RHOJ: variants seen among roughly 807,000 people sequenced by gnomAD.
RHOJ encodes the protein ras homolog family member J, also known as rho-related GTP-binding protein RhoJ.
RHOJ carries 11 observed loss-of-function variants against 23.4 expected under a neutral mutation model. The ratio of observed to expected loss-of-function variants is 0.47; its 90% CI spans 0.30 to 0.78. The LOEUF is 0.78. Ranked by LOEUF, RHOJ falls within the 30% of genes least tolerant of loss-of-function variation. The pLI is 0.08. For missense variants in RHOJ, 254 were observed against 273.4 expected, an observed-to-expected ratio of 0.93 and a Z score of 0.50; for synonymous variants, 102 against 102.7, an observed-to-expected ratio of 0.99 and a Z score of 0.04.
At chr14:63,222,932 T>C (rs1894525244) in intron 1 of RHOJ, among the ~76,000 whole-genome samples, 1 of 152,206 alleles carries the variant, frequency 6.6e-6, no homozygotes, top group Non-Finnish European at 1.5e-5. Flanking sequence ...AAGCATTTTA[T>C]TTATTGCCCT....
chr14:63,277,513 A>C (rs1335237723), intron 2 of RHOJ, among the ~76,000 whole-genome samples: 1 of 152,204 alleles, frequency 6.6e-6, no homozygotes, highest in East Asian at 1.9e-4. Context: ...GCAGAGCTTC[A>C]GGATGGTTTA....
At chr14:63,238,942 A>G (rs1366039488) in intron 1 of RHOJ, among the ~76,000 whole-genome samples, 4 of 152,194 alleles carry the variant, frequency 2.6e-5, no homozygotes, top group Admixed American at 6.5e-5. Flanking sequence ...AGTGGGCAGC[A>G]GAGTTGGAAT....
chr14:63,271,060 T>C (rs530588682), intron 2 of RHOJ, among the ~76,000 whole-genome samples: 60 of 152,306 alleles, frequency 3.9e-4, no homozygotes, highest in African/African-American at 1.3e-3. Context: ...TGTAAGACAT[T>C]GTAAAAATAT....
intron 1 of RHOJ, among the ~76,000 whole-genome samples, chr14:63,227,733 A>T (rs1237535962): frequency 6.6e-6 from 1 of 152,250 alleles, no homozygotes; most frequent in African/African-American, 2.4e-5. Context: ...ACTATTCAAC[A>T]AATACTTTGA....
intron 1 of RHOJ, among the ~76,000 whole-genome samples, chr14:63,209,210 GC>G (rs1894179939): frequency 6.6e-6 from 1 of 151,886 alleles, no homozygotes. Flanking sequence ...TTCCAATCTT[GC>G]CCCCTATCAT....
At chr14:63,244,161 A>G (rs568657351) in intron 1 of RHOJ, among the ~76,000 whole-genome samples, 2 of 152,346 alleles carry the variant, frequency 1.3e-5, no homozygotes, top group African/African-American at 4.8e-5. Context: ...ACGATACAAC[A>G]TGCTCAGAAA....
chr14:63,214,188 C>A (rs1894301803), intron 1 of RHOJ, among the ~76,000 whole-genome samples: 3 of 152,136 alleles, frequency 2.0e-5, no homozygotes, highest in Non-Finnish European at 4.4e-5. Context: ...AATGCAGATT[C>A]TTGGGTCCAT....
At chr14:63,278,896 G>C (rs1180448526) in intron 2 of RHOJ, among the ~76,000 whole-genome samples, 1 of 152,142 alleles carries the variant, frequency 6.6e-6, no homozygotes, top group South Asian at 2.1e-4. Context: ...TGAAGTGGGA[G>C]TATCGCTTGA....
At chr14:63,254,596 G>A (rs536965529) in intron 1 of RHOJ, among the ~76,000 whole-genome samples, 1 of 152,244 alleles carries the variant, frequency 6.6e-6, no homozygotes, top group African/African-American at 2.4e-5. Flanking sequence ...AGCTCATTGT[G>A]TGGGGGAAAA....
intron 1 of RHOJ, among the ~76,000 whole-genome samples, chr14:63,261,158 A>C (rs1895265392): frequency 6.6e-6 from 1 of 152,086 alleles, no homozygotes; most frequent in Non-Finnish European, 1.5e-5. Flanking sequence ...TTTAATTTAA[A>C]TTGTTTTCAC....
intron 1 of RHOJ, among the ~76,000 whole-genome samples, chr14:63,218,825 T>A (rs1327364948): frequency 2.6e-5 from 4 of 152,214 alleles, no homozygotes; most frequent in Non-Finnish European, 4.4e-5. Flanking sequence ...TACTACTTCA[T>A]CAACTAGCCT....
intron 1 of RHOJ, among the ~76,000 whole-genome samples, chr14:63,248,862 C>G (rs934646920): frequency 6.6e-6 from 1 of 152,210 alleles, no homozygotes; most frequent in Admixed American, 6.5e-5. Flanking sequence ...TGGCTCCCAG[C>G]AGCTCCTGGA....
intron 2 of RHOJ, among the ~76,000 whole-genome samples, chr14:63,270,170 CT>C (rs10680889): frequency 0.071 from 9,153 of 128,076 alleles, 822 homozygotes; most frequent in African/African-American, 0.22. Context: ...TCGTCTAGGC[CT>C]TTTTTTTTTT....
intron 1 of RHOJ, among the ~76,000 whole-genome samples, chr14:63,236,748 AACACACACACACACAC>A (rs59297455): frequency 1.4e-5 from 2 of 138,362 alleles, no homozygotes; most frequent in South Asian, 2.4e-4. Flanking sequence ...AGAGGCTTGA[AACACACACACACACAC>A]ACACACACAC....
intron 1 of RHOJ, among the ~76,000 whole-genome samples, chr14:63,223,687 T>C (rs1031041086): frequency 2.6e-5 from 4 of 151,894 alleles, no homozygotes; most frequent in Non-Finnish European, 5.9e-5. Flanking sequence ...AGAGTTCATC[T>C]CTCTTGGTGG....
chr14:63,214,152 G>A (rs570585781), intron 1 of RHOJ, among the ~76,000 whole-genome samples: 1 of 152,176 alleles, frequency 6.6e-6, no homozygotes, highest in African/African-American at 2.4e-5. Context: ...GACTTGCCTG[G>A]CCATAAGAAA....
chr14:63,233,457 C>G (rs2139749545), intron 1 of RHOJ, among the ~76,000 whole-genome samples: 1 of 152,160 alleles, frequency 6.6e-6, no homozygotes, highest in African/African-American at 2.4e-5. Context: ...AATGAAAATG[C>G]TGAAAAAATA....
At chr14:63,238,753 A>T (rs545924920) in intron 1 of RHOJ, among the ~76,000 whole-genome samples, 64 of 152,204 alleles carry the variant, frequency 4.2e-4, no homozygotes, top group Middle Eastern at 3.4e-3. Flanking sequence ...AGGATGGTAA[A>T]CACAGTCAGC....
At chr14:63,241,157 C>T (rs1894876741) in intron 1 of RHOJ, among the ~76,000 whole-genome samples, 3 of 152,326 alleles carry the variant, frequency 2.0e-5, no homozygotes, top group African/African-American at 4.8e-5. Context: ...GTGGAGGCCA[C>T]GCCATACGCG....
Sources: allele counts gnomAD v4.1 joint callset (sites outside exome capture counted in the v4.1 genomes callset), GRCh38; gene constraint gnomAD v4.1.1; transcripts MANE v1.5; gene names NCBI Gene and HGNC (gene_info 2026-07-23, HGNC 2026-07-21).